The following STX1A variants were observed in gnomAD, a reference collection of about 807,000 sequenced individuals.
STX1A encodes syntaxin 1A.
STX1A carries 4 observed loss-of-function variants against 37.8 expected under a neutral mutation model. The observed-to-expected ratio is 0.11, with a 90% CI of 0.05 to 0.24. STX1A has a LOEUF of 0.24. Ranked by LOEUF, STX1A falls within the 10% of genes least tolerant of loss-of-function variation. STX1A has a pLI of 1.00. For missense variants in STX1A, 251 were observed against 399.9 expected (o/e 0.63, Z 3.18); for synonymous variants, 135 against 147.4 (o/e 0.92, Z 0.61).
At chr7:73,703,662 T>C in intron 7 of STX1A, 93 bp downstream of exon 7, 1 of 1,420,990 alleles carries the variant, frequency 7.0e-7, no homozygotes, top group Non-Finnish European at 9.8e-7. Flanking sequence ...AAGGGGTCTG[T>C]GTCCAAATAC....
At chr7:73,712,503 T>G (rs530169523) in intron 1 of STX1A, among the ~76,000 whole-genome samples, 2 of 152,112 alleles carry the variant, frequency 1.3e-5, no homozygotes, top group Admixed American at 1.3e-4. Context: ...ACCTTGTTCT[T>G]CCACACGCCA....
chr7:73,710,173 C>T (rs142300739), intron 1 of STX1A, among the ~76,000 whole-genome samples: 2 of 152,378 alleles, frequency 1.3e-5, no homozygotes, highest in Non-Finnish European at 2.9e-5. Context: ...AGCCCCACTC[C>T]ACTGTCCCAG....
At chr7:73,718,622 C>T (rs542629481) in intron 1 of STX1A, among the ~76,000 whole-genome samples, 2 of 152,126 alleles carry the variant, frequency 1.3e-5, no homozygotes, top group Non-Finnish European at 2.9e-5. Context: ...TCCACCCCCC[C>T]TCCCCGACAC....
At position 73,704,162 on chromosome 7, in the gene STX1A, C is replaced by CT; in HGVS notation, c.451dup (p.Arg151LysfsTer13). On this transcript the variant is annotated frameshift_variant, in exon 6 of 10. Transcript: ENST00000222812. LOFTEE classifies it high-confidence loss of function. ...CCCCAGCTCACTGATCTCCAGCTGC[C>CT]TCTGGATGCGGCCTTTGCAGCGCTC... 1 of 1,611,064 alleles carries CT rather than the reference C, an allele frequency of 6.2e-7. No homozygotes were observed. Among genetic ancestry groups the CT allele is most frequent in the Non-Finnish European group, 8.5e-7 (1 of 1,179,946 alleles).
Position 73,700,680 on chromosome 7 carries a change from G to A in STX1A, c.789+50C>T, listed in dbSNP as rs1466026481. On this transcript the variant is annotated intron_variant, in intron 9 of 9. Transcript: ENST00000222812. This position sits in a 1 kb window ranked among gnomAD's most constrained non-coding sequence, Gnocchi z 4.4. The stretch of plus-strand genomic sequence containing the variant: ...GGGGAGGGATGTGGGATGGTTGGGG[G>A]TCCCTAATGGGTGCTGGGGCATGGC... The A allele has an allele frequency of 1.2e-5, 19 of 1,606,240 alleles. No homozygotes were observed. The highest frequency in any genetic ancestry group is 2.7e-5 in the African/African-American group (2 of 74,714).
At position 73,705,190 on chromosome 7, in the gene STX1A, G is replaced by T; in HGVS notation, c.243C>A (p.Asp81Glu). The part of the protein sequence containing the change: ...TKEELEELMS[D>E]IKKTANKVRS... ...GAACTTTGTTTGCTGTCTTCTTTAT[G>T]TCGGACATGAGTTCTTCCAGCTCCT... Residue 81 changes from aspartate to glutamate, a missense_variant, in exon 4 of 10, where the codon GAC becomes GAA. Coordinates refer to ENST00000222812, the MANE Select transcript of STX1A (RefSeq NM_004603.4). This position sits in a 1 kb window ranked among gnomAD's most constrained non-coding sequence, Gnocchi z 5.2. The T allele has an allele frequency of 6.2e-6, 10 of 1,611,802 alleles. No homozygotes were observed. Among genetic ancestry groups the T allele is most frequent in the Non-Finnish European group, 8.5e-6 (10 of 1,178,578 alleles).
Position 73,717,941 on chromosome 7 carries a change from C to T in STX1A, c.30+1661G>A, listed in dbSNP as rs1799347632. 6.6e-6 allele frequency among the ~76,000 whole-genome samples: 1 copy of T among 152,132 alleles called. No homozygotes were observed. Among genetic ancestry groups the T allele is most frequent in the East Asian group, 1.9e-4 (1 of 5,198 alleles). ...CAGGCAAGCCGTGTTTCTTTTGTGC[C>T]TCAGTTTCCCCTTCAGCTAGGGGGA... is the stretch of plus-strand genomic sequence containing the variant. On this transcript the variant is annotated intron_variant, in intron 1 of 9. Transcript: ENST00000222812. This position sits in a 1 kb window ranked among gnomAD's most constrained non-coding sequence, Gnocchi z 4.1.
Position 73,702,404 on chromosome 7 carries a change from C to T in STX1A, c.678+441G>A, listed in dbSNP as rs1584240259. On this transcript the variant is annotated intron_variant, in intron 8 of 9. Transcript: ENST00000222812. This position sits in a 1 kb window ranked among gnomAD's most constrained non-coding sequence, Gnocchi z 4.7. ...ACGGGGACCTGGAAACTTACAAGTCCTCCAGGTGACTCATTCAAGTTTGAG... is the reference window on the plus strand; with the variant it reads ...ACGGGGACCTGGAAACTTACAAGTCTTCCAGGTGACTCATTCAAGTTTGAG... 1.0e-5 allele frequency: 3 copies of T among 291,776 alleles called. No individual in the cohort carries two copies. The East Asian group carries it at 1.8e-4, about 17-fold the overall frequency. The allele number at this position is 291,776 out of a possible 1,614,324, so 18.1% of individuals were successfully genotyped here.
chr7:73,701,534 GAA>G (rs1286609836), intron 8 of STX1A, among the ~76,000 whole-genome samples: 19 of 135,322 alleles, frequency 1.4e-4, no homozygotes, highest in African/African-American at 5.2e-4. Context: ...AAAAGAAAAA[GAA>G]AAAAAAAAAA....
In STX1A at chr7:73,702,051, T is replaced by G. The variant is rs1462258093; in HGVS notation, c.678+794A>C. Reference sequence around the variant, plus strand: ...CTTCATCTCAGCTCCGACCACTCCTTGTGCCCCAGCAGCAAGGACCTCCTT... The same window carrying G: ...CTTCATCTCAGCTCCGACCACTCCTGGTGCCCCAGCAGCAAGGACCTCCTT... On this transcript the variant is annotated intron_variant, in intron 8 of 9. Coordinates refer to ENST00000222812, the MANE Select transcript of STX1A (RefSeq NM_004603.4). The surrounding 1 kb of genome is among the most constrained non-coding windows in gnomAD (Gnocchi z 4.7). 6.6e-6 allele frequency among the ~76,000 whole-genome samples: 1 copy of G among 152,202 alleles called. No individual in the cohort carries two copies. Among genetic ancestry groups the G allele is most frequent in the Non-Finnish European group, 1.5e-5 (1 of 68,034 alleles).
At chr7:73,704,094 G>A in intron 6 of STX1A, 54 bp downstream of exon 6, 2 of 1,524,532 alleles carry the variant, frequency 1.3e-6, no homozygotes, top group Non-Finnish European at 1.8e-6. Flanking sequence ...CAGCAGACTC[G>A]GGCCCCGCCC....
chr7:73,715,035 G>C (rs1443897734), intron 1 of STX1A, among the ~76,000 whole-genome samples: 1 of 151,886 alleles, frequency 6.6e-6, no homozygotes, highest in Non-Finnish European at 1.5e-5. Context: ...TGAGGCAGGA[G>C]AATCACTTGA....
At position 73,705,076 on chromosome 7, in the gene STX1A, CA is replaced by C; in HGVS notation, c.283+73del. The stretch of plus-strand genomic sequence containing the variant: ...ATCCGGCGCACCCCCTCAGGGCGAG[CA>C]AAACCCCATGGGCTCCGCAGAGGAA... On this transcript the variant is annotated intron_variant, in intron 4 of 9. Coordinates refer to ENST00000222812, the MANE Select transcript of STX1A (RefSeq NM_004603.4). This position sits in a 1 kb window ranked among gnomAD's most constrained non-coding sequence, Gnocchi z 5.2. The C allele has an allele frequency of 1.4e-6, 2 of 1,481,256 alleles. No homozygotes were observed. The highest frequency in any genetic ancestry group is 1.7e-4 in the Middle Eastern group (1 of 5,754). The allele number at this position is 1,481,256 out of a possible 1,614,324, so 91.8% of individuals were successfully genotyped here.
chr7:73,708,922 T>C (rs1045372621), intron 2 of STX1A, 123 bp downstream of exon 2: 12 of 1,129,282 alleles, frequency 1.1e-5, no homozygotes, highest in Non-Finnish European at 1.3e-5. Context: ...GGTTCATTCG[T>C]TGGCACCCCG....
chr7:73,708,962 G>A, intron 2 of STX1A, 83 bp downstream of exon 2: 1 of 1,465,870 alleles, frequency 6.8e-7, no homozygotes, highest in Admixed American at 1.7e-5. Context: ...AGGTGTGAAA[G>A]AGCACTGAAC....
At chr7:73,710,908 G>A (rs887476684) in intron 1 of STX1A, among the ~76,000 whole-genome samples, 3 of 152,176 alleles carry the variant, frequency 2.0e-5, no homozygotes, top group Non-Finnish European at 4.4e-5. Context: ...TGTGAAATGG[G>A]GACAGTGACA....
chr7:73,702,100 G>A lies in STX1A; in HGVS notation c.678+745C>T, dbSNP rs1268333880. 3.9e-5 allele frequency among the ~76,000 whole-genome samples: 6 copies of A among 152,202 alleles called. No homozygotes were observed. Among genetic ancestry groups the A allele is most frequent in the African/African-American group, 1.4e-4 (6 of 41,536 alleles). On this transcript the variant is annotated intron_variant, in intron 8 of 9. Coordinates refer to ENST00000222812, the MANE Select transcript of STX1A (RefSeq NM_004603.4). The surrounding 1 kb of genome is among the most constrained non-coding windows in gnomAD (Gnocchi z 4.7). Reference sequence around the variant, plus strand: ...TTTTTCTGTTCCTGAAATAAGTCTGGGTCTTGCTGGGCTTGGGACCTTAGT... The same window carrying A: ...TTTTTCTGTTCCTGAAATAAGTCTGAGTCTTGCTGGGCTTGGGACCTTAGT...
intron 2 of STX1A, 148 bp downstream of exon 2, chr7:73,708,897 A>G (rs1798988920): frequency 5.2e-6 from 5 of 967,602 alleles, no homozygotes; most frequent in Non-Finnish European, 8.2e-6. Context: ...GCTTCCATCT[A>G]TTCACCCTCA....
At chr7:73,707,937 AAAAAAAAAAAAG>A (rs1258510177) in intron 3 of STX1A, among the ~76,000 whole-genome samples, 1 of 109,212 alleles carries the variant, frequency 9.2e-6, no homozygotes, top group Non-Finnish European at 2.3e-5. Context: ...TCCGTCTTGA[AAAAAAAAAAAAG>A]AAAAAAGAAA....
Sources: gnomAD v4.1 joint callset for allele counts (sites outside exome capture counted in the v4.1 genomes callset) on GRCh38, gnomAD v4.1.1 for gene constraint, Gnocchi (gnomAD v3.1) non-coding constraint, MANE v1.5 for transcripts, NCBI Gene and HGNC (gene_info 2026-07-23, HGNC 2026-07-21) for gene names.